Variants in KDM4C observed in about 807,000 individuals in gnomAD.
KDM4C encodes lysine-specific demethylase 4C.
KDM4C carries 81 observed loss-of-function variants against 129.3 expected under a neutral mutation model. The observed-to-expected ratio is 0.63, with a 90% CI of 0.52 to 0.75. The LOEUF (loss-of-function observed/expected upper bound fraction) is 0.75. Among genes scored for constraint, KDM4C ranks in the 30% least tolerant of loss-of-function variants. The pLI, the probability that KDM4C is intolerant of heterozygous loss-of-function variation, is 0.00. For synonymous variants in KDM4C, 573 were observed against 456.1 expected (o/e 1.26, Z -3.26); for missense variants, 1,457 against 1,304.0 (o/e 1.12, Z -1.81).
chr9:7,139,627 C>A (rs890242665), intron 19 of KDM4C, among the ~76,000 whole-genome samples: 1 of 152,190 alleles, frequency 6.6e-6, no homozygotes, highest in Non-Finnish European at 1.5e-5. Context: ...ACACTAGACC[C>A]TGTAACTTTT....
intron 15 of KDM4C, among the ~76,000 whole-genome samples, chr9:7,033,664 C>A (rs1827160979): frequency 6.6e-6 from 1 of 152,234 alleles, no homozygotes; most frequent in South Asian, 2.1e-4. Flanking sequence ...CCCCCCACCT[C>A]TGCTCTGTAA....
intron 1 of KDM4C, among the ~76,000 whole-genome samples, chr9:6,743,129 A>T (rs1286117750): frequency 6.6e-6 from 1 of 152,200 alleles, no homozygotes; most frequent in African/African-American, 2.4e-5. Context: ...AAGGATTACT[A>T]ATATGAAAAT....
At chr9:6,978,051 C>G (rs1833224899) in intron 8 of KDM4C, among the ~76,000 whole-genome samples, 1 of 152,180 alleles carries the variant, frequency 6.6e-6, no homozygotes, top group African/African-American at 2.4e-5. Flanking sequence ...AAAATAGGCA[C>G]TTATCTAGCA....
chr9:6,754,867 T>A (rs1818189518), upstream of KDM4C, among the ~76,000 whole-genome samples: 3 of 128,072 alleles, frequency 2.3e-5, no homozygotes, highest in Non-Finnish European at 3.2e-5. Flanking sequence ...AGTGTGAAGA[T>A]CCTGTCTCAA....
rs893181436 is a variant in KDM4C at position 6,925,636 on chromosome 9, C to G, written c.921+32404C>G. ...CCGTCTTGGCTTGTTTACCATCAGC[C>G]CTTCACCGTTTCAGAAAGATGCTGT... On this transcript the variant is annotated intron_variant, in intron 8 of 21. Transcript: ENST00000381309. 5.1e-6 allele frequency: 5 copies of G among 985,244 alleles called. No homozygotes were observed. In the African/African-American group the frequency reaches 8.7e-5, roughly 17 times the overall value. 61.0% of individuals were successfully genotyped at this position (985,244 alleles called of 1,614,324 possible).
chr9:6,926,824 G>A (rs1000584060), intron 8 of KDM4C, among the ~76,000 whole-genome samples: 1 of 152,206 alleles, frequency 6.6e-6, no homozygotes, highest in Non-Finnish European at 1.5e-5. Flanking sequence ...CTTATGGCTT[G>A]TAGTTCAGCA....
chr9:7,131,347 T>C (rs1840614449), intron 19 of KDM4C, among the ~76,000 whole-genome samples: 1 of 152,232 alleles, frequency 6.6e-6, no homozygotes, highest in South Asian at 2.1e-4. Context: ...TCACTATTGC[T>C]GACTCTATAG....
At chr9:6,834,503 G>T (rs1200999769) in intron 4 of KDM4C, 6 of 644,628 alleles carry the variant, frequency 9.3e-6, no homozygotes, top group Middle Eastern at 8.7e-4. Flanking sequence ...GCTCCGGCAT[G>T]TGGAAGGCTG....
At chr9:6,847,843 A>T (rs762262846) in intron 4 of KDM4C, among the ~76,000 whole-genome samples, 2 of 152,222 alleles carry the variant, frequency 1.3e-5, no homozygotes, top group African/African-American at 4.8e-5. Flanking sequence ...TCAGAGTTTC[A>T]TTAGCTGCTT....
At chr9:6,802,307 G>C (rs960183699) in intron 2 of KDM4C, among the ~76,000 whole-genome samples, 2 of 152,300 alleles carry the variant, frequency 1.3e-5, no homozygotes, top group Middle Eastern at 3.4e-3. Flanking sequence ...TTGCAGTTGG[G>C]AGTGCAAATT....
chr9:6,985,035 C>T (rs998446400), intron 10 of KDM4C, among the ~76,000 whole-genome samples: 1 of 152,170 alleles, frequency 6.6e-6, no homozygotes, highest in Non-Finnish European at 1.5e-5. Flanking sequence ...TACTTCTCAT[C>T]CTGTAAATCC....
chr9:6,745,254 G>A (rs1817836950), intron 1 of KDM4C, among the ~76,000 whole-genome samples: 1 of 152,014 alleles, frequency 6.6e-6, no homozygotes, highest in Non-Finnish European at 1.5e-5. Context: ...TCTTAATGTT[G>A]AAAATTGTCT....
At chr9:7,082,142 G>C (rs1281868004) in intron 17 of KDM4C, among the ~76,000 whole-genome samples, 1 of 149,040 alleles carries the variant, frequency 6.7e-6, no homozygotes, top group African/African-American at 2.5e-5. Flanking sequence ...TGACTTGTTT[G>C]TGTCACTACA....
chr9:6,826,255 C>T (rs957386551), intron 4 of KDM4C, among the ~76,000 whole-genome samples: 1 of 145,080 alleles, frequency 6.9e-6, no homozygotes. Flanking sequence ...TTTTAGTTTT[C>T]TTGATAATCT....
chr9:7,052,154 T>C (rs1830237383), intron 17 of KDM4C, among the ~76,000 whole-genome samples: 1 of 152,250 alleles, frequency 6.6e-6, no homozygotes, highest in Non-Finnish European at 1.5e-5. Flanking sequence ...CTGGATTTTT[T>C]TCTTTTTTCA....
At chr9:7,153,968 GA>G (rs1275987146) in intron 19 of KDM4C, among the ~76,000 whole-genome samples, 1 of 152,162 alleles carries the variant, frequency 6.6e-6, no homozygotes, top group Non-Finnish European at 1.5e-5. Context: ...TGCTGTCTGA[GA>G]GAATTCTCTC....
chr9:6,866,971 T>TG, intron 5 of KDM4C, among the ~76,000 whole-genome samples: 1 of 126,258 alleles, frequency 7.9e-6, no homozygotes, highest in African/African-American at 3.0e-5. Flanking sequence ...AAATATATGT[T>TG]TGTGTGTGTG....
At chr9:6,997,099 T>C (rs818891) in intron 12 of KDM4C, among the ~76,000 whole-genome samples, 30,318 of 152,104 alleles carry the variant, frequency 0.2, 3,025 homozygotes, top group Admixed American at 0.24. Flanking sequence ...AAAGTAGTGA[T>C]GGTAGCAGCA....
chr9:7,018,642 C>G (rs904891022), intron 15 of KDM4C, among the ~76,000 whole-genome samples: 6 of 152,236 alleles, frequency 3.9e-5, no homozygotes, highest in African/African-American at 1.4e-4. Context: ...TACTGCCTGG[C>G]TCCTGTGCTC....
Sources: allele counts gnomAD v4.1 joint callset (sites outside exome capture counted in the v4.1 genomes callset), GRCh38; gene constraint gnomAD v4.1.1; transcripts MANE v1.5; gene names NCBI Gene and HGNC (gene_info 2026-07-23, HGNC 2026-07-21).